Variants in SPO11 observed in about 807,000 individuals in gnomAD.
SPO11 encodes the protein meiotic recombination protein SPO11.
Under a neutral mutation model 51.6 loss-of-function variants are expected in SPO11, and 49 were observed. The observed-to-expected ratio is 0.95, with a 90% CI of 0.75 to 1.20. The LOEUF (loss-of-function observed/expected upper bound fraction) is 1.20, where lower values mean the gene tolerates loss of function less well. SPO11 is among the 50% of genes most tolerant of loss of function. SPO11 has a pLI of 0.00. For synonymous variants in SPO11, 176 were observed against 158.2 expected (o/e 1.11, Z -0.84); for missense variants, 431 against 473.4 (o/e 0.91, Z 0.83).
At chr20:57,330,035 CTG>C (rs1568755349) in intron 1 of SPO11, 37 bp downstream of exon 1, 3 of 1,538,668 alleles carry the variant, frequency 1.9e-6, no homozygotes, top group Non-Finnish European at 1.7e-6. Context: ...CGCAGCCACT[CTG>C]TAGAAAAGTC....
intron 10 of SPO11, 44 bp from the exon 11 acceptor site, chr20:57,340,058 C>A: frequency 7.5e-7 from 1 of 1,328,262 alleles, no homozygotes; most frequent in Non-Finnish European, 1.1e-6. Context: ...TGCTAGTTTT[C>A]TACAATTTAG....
In SPO11 at chr20:57,331,880, C is replaced by T. The variant is rs758798269; in HGVS notation, c.179C>T (p.Thr60Ile). 4 of 1,607,666 alleles carry T rather than the reference C, an allele frequency of 2.5e-6. No homozygotes were observed. In the South Asian group the frequency reaches 4.5e-5, roughly 18 times the overall value. ...SIENIIQDII[T>I]SLARNEAPAF... ...GAAAATATTATCCAAGACATAATCACAAGCTTGGCAAGAAATGAAGCACCT... is the reference window on the plus strand; with the variant it reads ...GAAAATATTATCCAAGACATAATCATAAGCTTGGCAAGAAATGAAGCACCT... The change falls in exon 2 of 13, where the codon ACA becomes ATA. Residue 60 changes from threonine (T) to isoleucine (I), a missense_variant. By Grantham distance (89) the Thr-to-Ile change is moderately conservative. Coordinates refer to ENST00000371263, the MANE Select transcript of SPO11 (RefSeq NM_012444.3).
chr20:57,342,680 A>G (rs1366129160), intron 11 of SPO11, 49 bp from the exon 12 acceptor site: 1 of 1,202,178 alleles, frequency 8.3e-7, no homozygotes, highest in East Asian at 2.4e-5. Flanking sequence ...AGGACATTCA[A>G]GTTACAGAAA....
intron 11 of SPO11, among the ~76,000 whole-genome samples, chr20:57,342,457 C>T (rs2066594101): frequency 6.6e-6 from 1 of 152,184 alleles, no homozygotes; most frequent in Non-Finnish European, 1.5e-5. Context: ...ATCAGTCTTC[C>T]TGTCATCCTG....
intron 10 of SPO11, among the ~76,000 whole-genome samples, chr20:57,339,693 T>G (rs1402578735): frequency 6.6e-6 from 1 of 152,218 alleles, no homozygotes; most frequent in Non-Finnish European, 1.5e-5. Flanking sequence ...ATTTATAGTT[T>G]GCTTTAGAAA....
In SPO11 at chr20:57,343,485, TG is replaced by T; in HGVS notation, c.*26del. Reference sequence around the variant, plus strand: ...AAAATAAATCAGAAGAACTTCTGATTGCCAGAGGCTTTTCATTAGTTTTGTT... The same window carrying T: ...AAAATAAATCAGAAGAACTTCTGATTCCAGAGGCTTTTCATTAGTTTTGTT... On this transcript the variant is annotated 3_prime_UTR_variant, in exon 13 of 13. Coordinates refer to ENST00000371263, the MANE Select transcript of SPO11 (RefSeq NM_012444.3). 1 of 1,575,660 alleles carries T rather than the reference TG, an allele frequency of 6.3e-7. No individual in the cohort carries two copies. Among genetic ancestry groups the T allele is most frequent in the Non-Finnish European group, 8.6e-7 (1 of 1,167,316 alleles).
At chr20:57,341,483 T>C (rs1012181105) in intron 11 of SPO11, among the ~76,000 whole-genome samples, 1 of 152,210 alleles carries the variant, frequency 6.6e-6, no homozygotes, top group African/African-American at 2.4e-5. Flanking sequence ...TTTTAAAATG[T>C]TTTATTGTTG....
chr20:57,329,871 G>A lies in SPO11; in HGVS notation c.4G>A (p.Ala2Thr), dbSNP rs1241249898. The A allele has an allele frequency of 6.8e-6, 11 of 1,613,272 alleles. No homozygotes were observed. Among genetic ancestry groups the A allele is most frequent in the Non-Finnish European group, 6.8e-6 (8 of 1,179,582 alleles). M[A>T]FAPMGPEASF... ...CTTCTGGCAGCCGTCTGCCCTCATG[G>A]CCTTTGCACCTATGGGGCCCGAGGC... The change falls in exon 1 of 13, where the codon GCC (alanine) becomes ACC (threonine). Residue 2 changes from alanine (A) to threonine (T), a missense_variant. By Grantham distance (58) the Ala-to-Thr change is moderately conservative. Transcript: ENST00000371263.
chr20:57,342,266 T>C (rs1174226043), intron 11 of SPO11, among the ~76,000 whole-genome samples: 1 of 152,198 alleles, frequency 6.6e-6, no homozygotes, highest in Non-Finnish European at 1.5e-5. Context: ...AAATGAATTA[T>C]GAAGAATTAA....
rs1253760787 is a variant in SPO11 at position 57,342,724 on chromosome 20, T to C, written c.960-5T>C. ...TACTGATTTTTTTCACCTACTTTTT[T>C]CCAGATTAAATGTACCTAAAGATAG... is the stretch of plus-strand genomic sequence containing the variant. On this transcript the variant is annotated splice_region_variant and splice_polypyrimidine_tract_variant and intron_variant, in intron 11 of 12. Coordinates refer to ENST00000371263, the MANE Select transcript of SPO11 (RefSeq NM_012444.3). The C allele has an allele frequency of 1.9e-6, 3 of 1,589,374 alleles. No individual in the cohort carries two copies. The highest frequency in any genetic ancestry group is 1.3e-5 in the African/African-American group (1 of 74,254).
At chr20:57,330,782 A>C (rs1040217682) in intron 1 of SPO11, among the ~76,000 whole-genome samples, 4 of 152,200 alleles carry the variant, frequency 2.6e-5, no homozygotes, top group African/African-American at 4.8e-5. Context: ...AAAAGAATTT[A>C]TTTTGAGGGA....
At chr20:57,330,239 A>G (rs1423079337) in intron 1 of SPO11, among the ~76,000 whole-genome samples, 1 of 152,168 alleles carries the variant, frequency 6.6e-6, no homozygotes, top group Non-Finnish European at 1.5e-5. Flanking sequence ...TTCCCCTTCT[A>G]GAACGTTCCA....
intron 8 of SPO11, chr20:57,337,796 TGG>T: frequency 7.7e-7 from 1 of 1,301,788 alleles, no homozygotes; most frequent in Non-Finnish European, 1.0e-6. Context: ...CCCTTTTTTT[TGG>T]TGCTGTGACT....
intron 8 of SPO11, among the ~76,000 whole-genome samples, chr20:57,337,998 C>T (rs2066533631): frequency 6.6e-6 from 1 of 152,164 alleles, no homozygotes; most frequent in African/African-American, 2.4e-5. Context: ...AGTGATTCTC[C>T]TGCCTCAGCC....
rs2066506253 is a variant in SPO11, at chr20:57,335,853, G to T, written c.690G>T (p.Gln230His). The T allele has an allele frequency of 1.2e-6, 2 of 1,613,378 alleles. No homozygotes were observed. The highest frequency in any genetic ancestry group is 1.7e-5 in the Admixed American group (1 of 59,908). ...VLIVEKDATFQRLLDDNFCNK... is the reference protein window; with the variant it reads ...VLIVEKDATFHRLLDDNFCNK... ...TTGTAGAAAAAGATGCAACATTTCA[G>T]CGGCTCCTAGATGACAACTTTTGCA... The change falls in exon 8 of 13, where the codon CAG (glutamine) becomes CAT (histidine). Residue 230 changes from glutamine to histidine, a missense_variant. This residue lies in a region of SPO11 where 405 missense variants were observed against 425.9 expected (regional missense o/e 0.95). Coordinates refer to ENST00000371263, the MANE Select transcript of SPO11 (RefSeq NM_012444.3).
rs145771904 is a variant in SPO11, at chr20:57,331,916, T to C, written c.215T>C (p.Ile72Thr). Residue 72 changes from isoleucine to threonine, a missense_variant, in exon 2 of 13, where the codon ATA becomes ACA. Coordinates refer to ENST00000371263, the MANE Select transcript of SPO11 (RefSeq NM_012444.3). ...AGAAATGAAGCACCTGCATTCACGA[T>C]AGACAACAGATCAAGCTGGGAAAAC... ...LARNEAPAFT[I>T]DNRSSWENIK... 2.0e-5 allele frequency: 32 copies of C among 1,600,902 alleles called. No individual in the cohort carries two copies. In the African/African-American group the frequency reaches 3.1e-4, roughly 15 times the overall value.
At chr20:57,339,620 A>G (rs1259846596) in intron 10 of SPO11, among the ~76,000 whole-genome samples, 2 of 152,222 alleles carry the variant, frequency 1.3e-5, no homozygotes, top group Non-Finnish European at 2.9e-5. Context: ...GATGAAAAGG[A>G]TGGTGGAGCA....
At chr20:57,334,122 T>C in intron 5 of SPO11, 27 bp downstream of exon 5, 1 of 1,184,684 alleles carries the variant, frequency 8.4e-7, no homozygotes, top group Non-Finnish European at 1.2e-6. Context: ...ACAAAACATT[T>C]TATTTTAAAA....
intron 10 of SPO11, among the ~76,000 whole-genome samples, chr20:57,339,757 G>C (rs2146097507): frequency 6.6e-6 from 1 of 152,272 alleles, no homozygotes; most frequent in South Asian, 2.1e-4. Flanking sequence ...TTGCTGTTTT[G>C]AGACAGGGTC....
Sources: allele counts gnomAD v4.1 joint callset (sites outside exome capture counted in the v4.1 genomes callset), GRCh38; gene constraint gnomAD v4.1.1; regional missense constraint gnomAD v4.1.1; transcripts MANE v1.5; gene names NCBI Gene and HGNC (gene_info 2026-07-23, HGNC 2026-07-21).